SPECC1: variants seen among roughly 807,000 people sequenced by gnomAD.
SPECC1 encodes cytospin-B.
A neutral mutation model predicts 104.1 loss-of-function variants in SPECC1; 62 were observed. The observed-to-expected ratio is 0.60, with a 90% CI of 0.49 to 0.74. The LOEUF (loss-of-function observed/expected upper bound fraction) is 0.74. Ranked by LOEUF, SPECC1 falls within the 30% of genes least tolerant of loss-of-function variation. SPECC1 has a pLI of 0.00. For synonymous variants in SPECC1, 513 were observed against 501.6 expected (o/e 1.02, Z -0.30); for missense variants, 1,306 against 1,310.5 (o/e 1.00, Z 0.05).
chr17:20,278,925 G>A (rs1248956824), intron 12 of SPECC1, among the ~76,000 whole-genome samples: 1 of 152,204 alleles, frequency 6.6e-6, no homozygotes, highest in African/African-American at 2.4e-5. Context: ...TGGGGACTGA[G>A]GGTGATTTAA....
At chr17:20,151,798 C>G (rs942067968) in intron 3 of SPECC1, among the ~76,000 whole-genome samples, 3 of 152,210 alleles carry the variant, frequency 2.0e-5, no homozygotes, top group Non-Finnish European at 4.4e-5. Flanking sequence ...CCTGTAATCC[C>G]AGCACTTTGG....
chr17:20,282,032 G>A (rs1485722352), intron 12 of SPECC1, among the ~76,000 whole-genome samples: 33 of 152,268 alleles, frequency 2.2e-4, no homozygotes, highest in Non-Finnish European at 1.5e-5. Flanking sequence ...TGTTGGGCTG[G>A]AGGAAGTGGA....
intron 3 of SPECC1, among the ~76,000 whole-genome samples, chr17:20,162,884 C>T (rs369884009): frequency 2.9e-4 from 44 of 152,188 alleles, no homozygotes; most frequent in African/African-American, 9.9e-4. Context: ...CAAAATTAGC[C>T]AGGCATGGTG....
chr17:20,122,174 A>G (rs1487132640), intron 3 of SPECC1, among the ~76,000 whole-genome samples: 1 of 152,116 alleles, frequency 6.6e-6, no homozygotes, highest in Non-Finnish European at 1.5e-5. Flanking sequence ...GGGGAGGAGG[A>G]TAGAAAGATG....
chr17:20,193,280 C>G (rs1015381633), intron 3 of SPECC1, among the ~76,000 whole-genome samples: 1 of 152,044 alleles, frequency 6.6e-6, no homozygotes, highest in African/African-American at 2.4e-5. Context: ...TCTTTATGAC[C>G]TGTATCTTGT....
chr17:20,018,611 C>G (rs1023596421), intron 1 of SPECC1, among the ~76,000 whole-genome samples: 1 of 152,208 alleles, frequency 6.6e-6, no homozygotes, highest in African/African-American at 2.4e-5. Context: ...ATGCTCAGAT[C>G]TGGTGGTTCA....
intron 1 of SPECC1, among the ~76,000 whole-genome samples, chr17:20,088,305 G>A (rs1315385663): frequency 6.6e-6 from 1 of 152,188 alleles, no homozygotes. Flanking sequence ...CCATTTTTAA[G>A]TGGACAGTTC....
intron 3 of SPECC1, among the ~76,000 whole-genome samples, chr17:20,144,886 A>G (rs1597809860): frequency 2.6e-5 from 4 of 152,338 alleles, no homozygotes; most frequent in Middle Eastern, 6.8e-3. Flanking sequence ...AGACAAGTAC[A>G]GAGGTTTTTT....
In SPECC1 at chr17:20,096,643, A is replaced by T. The variant is rs746016132; in HGVS notation, c.-9A>T. On this transcript the variant is annotated 5_prime_UTR_variant, in exon 2 of 15. Coordinates refer to ENST00000395527, the MANE Select transcript of SPECC1 (RefSeq NM_001243439.2). ...TGCTCTTTTGCAGGACAGACCCACG[A>T]AGTCAAGCATGCGGAGTGCAGCCAA... 1 of 1,607,306 alleles carries T rather than the reference A, an allele frequency of 6.2e-7. No homozygotes were observed. Among genetic ancestry groups the T allele is most frequent in the Non-Finnish European group, 8.5e-7 (1 of 1,175,678 alleles).
At chr17:20,067,151 C>T (rs534682007) in intron 1 of SPECC1, 6 of 152,064 alleles carry the variant, frequency 3.9e-5, no homozygotes, top group Admixed American at 2.6e-4. Flanking sequence ...CCTATCATTC[C>T]ACCACCTAGA....
At position 20,205,637 on chromosome 17, in the gene SPECC1, A is replaced by G; in HGVS notation, c.1588A>G (p.Asn530Asp). 1.2e-6 allele frequency: 2 copies of G among 1,614,216 alleles called. No homozygotes were observed. Among genetic ancestry groups the G allele is most frequent in the Non-Finnish European group, 1.7e-6 (2 of 1,180,032 alleles). Residue 530 changes from asparagine to aspartate, a missense_variant, in exon 4 of 15, where the codon AAT becomes GAT. Physicochemically the swap from Asn to Asp is conservative, Grantham distance 23. Transcript: ENST00000395527. ...GTTTCTAGAACTGGAACGGCATAAT[A>G]ATAACATGATGGCCAAAACTTTGGA... Reference protein sequence around the residue: ...NEFLELERHNNNMMAKTLEEC... With the variant: ...NEFLELERHNDNMMAKTLEEC...
chr17:20,045,276 C>A (rs932265763), intron 1 of SPECC1, among the ~76,000 whole-genome samples: 8 of 152,130 alleles, frequency 5.3e-5, no homozygotes, highest in African/African-American at 1.9e-4. Flanking sequence ...CCATATCACT[C>A]TTTTTGATGG....
intron 12 of SPECC1, among the ~76,000 whole-genome samples, chr17:20,271,241 G>A (rs1208361072): frequency 6.6e-6 from 1 of 151,724 alleles, no homozygotes; most frequent in Non-Finnish European, 1.5e-5. Context: ...TTACCTCTAC[G>A]TTGCTGACTA....
chr17:20,112,476 G>A (rs576219778), intron 3 of SPECC1: 17 of 765,234 alleles, frequency 2.2e-5, no homozygotes, highest in South Asian at 2.1e-4. Flanking sequence ...TCAGAACTGC[G>A]ATGCCAAGGT....
At chr17:20,218,662 C>T (rs1246126093) in intron 4 of SPECC1, among the ~76,000 whole-genome samples, 2 of 151,566 alleles carry the variant, frequency 1.3e-5, no homozygotes, top group Non-Finnish European at 2.9e-5. Flanking sequence ...GTTATGGGTA[C>T]ATAGTAGGTA....
intron 10 of SPECC1, among the ~76,000 whole-genome samples, chr17:20,254,757 C>T (rs1421370431): frequency 6.6e-6 from 1 of 152,134 alleles, no homozygotes; most frequent in Admixed American, 6.5e-5. Context: ...GACAGAAATC[C>T]TTTTGTTTCT....
intron 1 of SPECC1, among the ~76,000 whole-genome samples, chr17:20,094,107 G>A (rs548136712): frequency 6.6e-6 from 1 of 152,208 alleles, no homozygotes; most frequent in South Asian, 2.1e-4. Flanking sequence ...CAAAATGGAA[G>A]GCCTTGCCCA....
chr17:20,122,876 C>T (rs1040239769), intron 3 of SPECC1, among the ~76,000 whole-genome samples: 2 of 152,222 alleles, frequency 1.3e-5, no homozygotes, highest in Admixed American at 6.5e-5. Context: ...TTTATCCATT[C>T]ACCTGTTGAA....
intron 1 of SPECC1, among the ~76,000 whole-genome samples, chr17:20,055,174 T>G (rs989394187): frequency 1.3e-5 from 2 of 152,158 alleles, no homozygotes; most frequent in African/African-American, 4.8e-5. Context: ...ATAAGTGGAG[T>G]CGTGCAGTAT....
Sources: allele counts gnomAD v4.1 joint callset (sites outside exome capture counted in the v4.1 genomes callset), GRCh38; gene constraint gnomAD v4.1.1; transcripts MANE v1.5; gene names NCBI Gene and HGNC (gene_info 2026-07-23, HGNC 2026-07-21).